PLA1A: variants seen among roughly 807,000 people sequenced by gnomAD.
PLA1A encodes phosphatidylserine-specific phospholipase A1alpha.
In PLA1A, 47 loss-of-function variants were observed where a neutral mutation model predicts 49.4. That is an observed-to-expected ratio of 0.95 (90% CI 0.75 to 1.21). PLA1A has a LOEUF of 1.21. Ranked by LOEUF, PLA1A falls within the 50% of genes most tolerant of loss-of-function variation. PLA1A has a pLI of 0.00. For synonymous variants in PLA1A, 224 were observed against 207.9 expected (o/e 1.08, Z -0.67); for missense variants, 561 against 563.9 (o/e 0.99, Z 0.05).
In PLA1A at chr3:119,629,498, A is replaced by ATTTTTTTTTTT; in HGVS notation, c.*36_*46dup. 1 of 876,098 alleles carries ATTTTTTTTTTT rather than the reference A, an allele frequency of 1.1e-6. No individual in the cohort carries two copies. Among genetic ancestry groups the ATTTTTTTTTTT allele is most frequent in the Non-Finnish European group, 1.8e-6 (1 of 566,666 alleles). The allele number at this position is 876,098 out of a possible 1,614,324, so 54.3% of individuals were successfully genotyped here. ...ACCTGGGCAGGACACATCTCCCTGCATTTTTTTTTTTTTTTTGAGAGAGAG... is the reference window on the plus strand; with the variant it reads ...ACCTGGGCAGGACACATCTCCCTGCATTTTTTTTTTTTTTTTTTTTTTTTTTTGAGAGAGAG... On this transcript the variant is annotated 3_prime_UTR_variant, in exon 11 of 11. Coordinates refer to ENST00000273371, the MANE Select transcript of PLA1A (RefSeq NM_015900.4).
chr3:119,629,389 A>G lies in PLA1A; in HGVS notation c.1292A>G (p.Lys431Arg), dbSNP rs775937498. Reference protein sequence around the residue: ...TALLPVNDREKMVCLPEPVNL... With the variant: ...TALLPVNDRERMVCLPEPVNL... ...TTATTGCTCTTCTCTTCCAGAGAAA[A>G]GATGGTCTGCTTACCTGAACCAGTG... Residue 431 changes from lysine (K) to arginine (R), a missense_variant, in exon 11 of 11, where the codon AAG becomes AGG. Transcript: ENST00000273371. 2.5e-6 allele frequency: 4 copies of G among 1,599,414 alleles called. No individual in the cohort carries two copies. The highest frequency in any genetic ancestry group is 1.3e-5 in the African/African-American group (1 of 74,604).
At chr3:119,614,409 T>C (rs1169745215) in intron 5 of PLA1A, among the ~76,000 whole-genome samples, 2 of 151,970 alleles carry the variant, frequency 1.3e-5, no homozygotes, top group East Asian at 1.9e-4. Flanking sequence ...CGAGACCATC[T>C]GGGCTAACAA....
intron 9 of PLA1A, among the ~76,000 whole-genome samples, chr3:119,628,296 A>C (rs1311684468): frequency 6.6e-6 from 1 of 152,234 alleles, no homozygotes; most frequent in Non-Finnish European, 1.5e-5. Flanking sequence ...ATTCATACTT[A>C]GCCTAAAACA....
At chr3:119,601,365 G>C (rs1041018411) in intron 1 of PLA1A, among the ~76,000 whole-genome samples, 4 of 152,146 alleles carry the variant, frequency 2.6e-5, no homozygotes, top group African/African-American at 9.7e-5. Flanking sequence ...ATATGCCTGA[G>C]AGTCACTTTC....
At chr3:119,612,593 ATTC>A (rs1436862465) in intron 4 of PLA1A, among the ~76,000 whole-genome samples, 1 of 151,670 alleles carries the variant, frequency 6.6e-6, no homozygotes, top group Non-Finnish European at 1.5e-5. Context: ...GGTTCACGCC[ATTC>A]TTCTGCCTCA....
intron 4 of PLA1A, 43 bp downstream of exon 4, chr3:119,609,619 G>A: frequency 9.2e-7 from 1 of 1,084,532 alleles, no homozygotes. Flanking sequence ...TAGAGATAGA[G>A]AAAGCTTGCC....
intron 1 of PLA1A, among the ~76,000 whole-genome samples, chr3:119,606,488 G>A (rs933760104): frequency 6.6e-6 from 1 of 152,158 alleles, no homozygotes; most frequent in African/African-American, 2.4e-5. Flanking sequence ...ATGAGACTCA[G>A]TTCAGCCCGG....
Position 119,609,566 on chromosome 3 carries a change from A to G in PLA1A, c.552A>G (p.Gly184=), listed in dbSNP as rs200418109. The change falls in exon 4 of 11, where the codon GGA becomes GGG. Residue 184 remains glycine, a synonymous_variant. Transcript: ENST00000273371. The stretch of plus-strand genomic sequence containing the variant: ...GACAGCTCTTCGGAGGCCAGCTGGG[A>G]CAGATCACAGGTAACATTCCTCCCT... ...MVGQLFGGQL[G]QITGLDPAGP... 479 of 1,580,324 alleles carry G rather than the reference A, an allele frequency of 3.0e-4. No individual in the cohort carries two copies. Among genetic ancestry groups the G allele is most frequent in the Non-Finnish European group, 4.0e-4 (460 of 1,150,478 alleles).
In PLA1A at chr3:119,605,143, A is replaced by G. The variant is rs555978018; in HGVS notation, c.74-1631A>G. On this transcript the variant is annotated intron_variant, in intron 1 of 10. Transcript: ENST00000273371. ...AGCCAAATGCTGGGGGAGGCTGATA[A>G]AATGATGGAGTCAGGCATTAGCTCT... is the stretch of plus-strand genomic sequence containing the variant. 2.6e-5 allele frequency among the ~76,000 whole-genome samples: 4 copies of G among 152,344 alleles called. No individual in the cohort carries two copies. The South Asian group carries it at 8.3e-4, about 32-fold the overall frequency.
At chr3:119,621,701 A>G (rs1463528062) in intron 8 of PLA1A, among the ~76,000 whole-genome samples, 8 of 152,190 alleles carry the variant, frequency 5.3e-5, no homozygotes, top group Non-Finnish European at 1.2e-4. Context: ...GTTGAGGGCT[A>G]TGGCTTGCAG....
intron 8 of PLA1A, chr3:119,620,094 C>T (rs755907478): frequency 8.7e-6 from 4 of 457,518 alleles, no homozygotes; most frequent in Non-Finnish European, 1.8e-5. Context: ...CAGCTTCTCA[C>T]TGTTGCTCCT....
chr3:119,615,994 A>C lies in PLA1A; in HGVS notation c.665-18A>C. On this transcript the variant is annotated intron_variant, in intron 5 of 10. Coordinates refer to ENST00000273371, the MANE Select transcript of PLA1A (RefSeq NM_015900.4). The stretch of plus-strand genomic sequence containing the variant: ...CCCCCTGAAGTAAGGAAGTTAATGG[A>C]GTTGTGCCTCCTTTCAGATTTGGGT... 1 of 1,547,980 alleles carries C rather than the reference A, an allele frequency of 6.5e-7. No individual in the cohort carries two copies. The highest frequency in any genetic ancestry group is 8.9e-7 in the Non-Finnish European group (1 of 1,120,160).
chr3:119,606,084 G>A (rs1396685713), intron 1 of PLA1A, among the ~76,000 whole-genome samples: 1 of 152,214 alleles, frequency 6.6e-6, no homozygotes, highest in Non-Finnish European at 1.5e-5. Flanking sequence ...GCTGCCCAGG[G>A]TTCTATTTAG....
chr3:119,602,225 G>T (rs943297417), intron 1 of PLA1A, among the ~76,000 whole-genome samples: 1 of 152,186 alleles, frequency 6.6e-6, no homozygotes, highest in African/African-American at 2.4e-5. Flanking sequence ...GGAACAGCAT[G>T]TGTAAGCTAG....
chr3:119,608,493 C>T (rs144577546), intron 2 of PLA1A, among the ~76,000 whole-genome samples: 1 of 152,294 alleles, frequency 6.6e-6, no homozygotes, highest in African/African-American at 2.4e-5. Context: ...GGCTGACATC[C>T]AAGCTAAGTT....
intron 9 of PLA1A, 88 bp from the exon 10 acceptor site, chr3:119,628,613 C>A: frequency 8.1e-7 from 1 of 1,237,064 alleles, no homozygotes; most frequent in Non-Finnish European, 1.2e-6. Context: ...CCAACCAGTG[C>A]CACCAGCAGA....
rs758514882 is a variant in PLA1A, at chr3:119,606,979, G to A, written c.275+4G>A. On this transcript the variant is annotated splice_donor_region_variant and intron_variant, in intron 2 of 10. Coordinates refer to ENST00000273371, the MANE Select transcript of PLA1A (RefSeq NM_015900.4). ...AACTAATTATCCATGGATTCAGGTG[G>A]GAGTTAAATAACCAACAGGACTTCT... 2.5e-6 allele frequency: 4 copies of A among 1,610,186 alleles called. No individual in the cohort carries two copies. The highest frequency in any genetic ancestry group is 1.7e-5 in the Admixed American group (1 of 59,992).
In PLA1A at chr3:119,600,647, G is replaced by T. The variant is rs145148736; in HGVS notation, c.73+2661G>T. On this transcript the variant is annotated intron_variant, in intron 1 of 10. Transcript: ENST00000273371. ...AACTGAGAAGAAAGAAATTGAGCGG[G>T]CTGCAGTCCTCATCTCTACTTCCTG... 1.2e-4 allele frequency among the ~76,000 whole-genome samples: 18 copies of T among 152,304 alleles called. No homozygotes were observed. In the East Asian group the frequency reaches 2.9e-3, roughly 24 times the overall value.
rs748276081 is a variant in PLA1A, at chr3:119,619,493, G to A, written c.923-70G>A. On this transcript the variant is annotated intron_variant, in intron 7 of 10. Transcript: ENST00000273371. ...AATGGGTGCATGAATTAATAAACAC[G>A]TGGCTGGGTGCTGTGGGACCCTAAG... The A allele has an allele frequency of 8.4e-5, 82 of 977,168 alleles. 1 individual carries two copies. Among genetic ancestry groups the A allele is most frequent in the Middle Eastern group, 2.1e-4 (1 of 4,836 alleles). 60.5% of individuals were successfully genotyped at this position (977,168 alleles called of 1,614,324 possible).
Sources: allele counts gnomAD v4.1 joint callset (sites outside exome capture counted in the v4.1 genomes callset), GRCh38; gene constraint gnomAD v4.1.1; transcripts MANE v1.5; gene names NCBI Gene and HGNC (gene_info 2026-07-23, HGNC 2026-07-21).